Variants in IL12B observed in about 807,000 individuals in gnomAD.
IL12B encodes the protein interleukin-12 subunit beta.
In IL12B, 27 loss-of-function variants were observed where a neutral mutation model predicts 39.2. The ratio of observed to expected loss-of-function variants is 0.69; its 90% CI spans 0.51 to 0.95. The LOEUF (loss-of-function observed/expected upper bound fraction) is 0.95. IL12B is among the 40% of genes least tolerant of loss of function. IL12B has a pLI of 0.00. For synonymous variants in IL12B, 142 were observed against 152.1 expected, an observed-to-expected ratio of 0.93 and a Z score of 0.49; for missense variants, 351 against 397.6, an observed-to-expected ratio of 0.88 and a Z score of 1.00.
chr5:159,325,928 A>G (rs982432916), intron 2 of IL12B, among the ~76,000 whole-genome samples: 1 of 152,246 alleles, frequency 6.6e-6, no homozygotes, highest in Admixed American at 6.5e-5. Context: ...AAGGATGGGC[A>G]GAACTCCTTA....
intron 6 of IL12B, 30 bp downstream of exon 6, chr5:159,318,706 G>C (rs780467943): frequency 6.2e-7 from 1 of 1,611,160 alleles, no homozygotes; most frequent in Non-Finnish European, 8.5e-7. Flanking sequence ...AACTGACCAA[G>C]GAATATACTG....
intron 2 of IL12B, among the ~76,000 whole-genome samples, chr5:159,325,822 C>T (rs1754178937): frequency 6.6e-6 from 1 of 152,146 alleles, no homozygotes; most frequent in Admixed American, 6.5e-5. Flanking sequence ...ATAGTAATCG[C>T]CAACATTATG....
rs373184517 is a variant in IL12B at position 159,325,542 on chromosome 5, A to C, written c.88+1153T>G. Reference sequence around the variant, plus strand: ...CATTTCCTCTTATTCAGCTCTCCAAAGACCTGGGAAAAAATTACTTCATGT... The same window carrying C: ...CATTTCCTCTTATTCAGCTCTCCAACGACCTGGGAAAAAATTACTTCATGT... On this transcript the variant is annotated intron_variant, in intron 2 of 7. Coordinates refer to ENST00000231228, the MANE Select transcript of IL12B (RefSeq NM_002187.3). 18 of 152,324 alleles carry C rather than the reference A, an allele frequency of 1.2e-4. No individual in the cohort carries two copies. In the East Asian group the frequency reaches 2.3e-3, roughly 20 times the overall value. The allele number at this position is 152,324 out of a possible 1,614,324, so 9.4% of individuals were successfully genotyped here.
chr5:159,320,252 A>G (rs1562112233), intron 5 of IL12B, 54 bp downstream of exon 5: 1 of 1,482,740 alleles, frequency 6.7e-7, no homozygotes, highest in Non-Finnish European at 9.4e-7. Flanking sequence ...CATTGTGAAC[A>G]CGTGACAAAT....
At chr5:159,320,272 C>T (rs1584753471) in intron 5 of IL12B, 34 bp downstream of exon 5, 2 of 1,565,570 alleles carry the variant, frequency 1.3e-6, no homozygotes, top group East Asian at 4.5e-5. Context: ...TAGTATCTTT[C>T]CTTATGGAGC....
At chr5:159,319,741 C>T (rs894186275) in intron 5 of IL12B, among the ~76,000 whole-genome samples, 1 of 152,228 alleles carries the variant, frequency 6.6e-6, no homozygotes, top group African/African-American at 2.4e-5. Context: ...TACAAACCCT[C>T]CATAAGTTTT....
At chr5:159,319,495 C>T (rs1161890139) in intron 5 of IL12B, among the ~76,000 whole-genome samples, 29 of 152,216 alleles carry the variant, frequency 1.9e-4, no homozygotes, top group Admixed American at 5.9e-4. Context: ...AAGACTCCTT[C>T]CTCAATTAGG....
rs749076435 is a variant in IL12B at position 159,318,737 on chromosome 5, T to C, written c.854A>G (p.Lys285Arg). ...TACTGCACCTGAATCACTTCTTACC[T>C]TTTCTCTCTTGCTCTTGCCCTGGAC... ...VQVQGKSKRE[K>R]KDRVFTDKTS... is the part of the protein sequence containing the mutation. The change falls in exon 6 of 8, where the codon AAG becomes AGG. Residue 285 changes from lysine (K) to arginine (R), a missense_variant and splice_region_variant. Transcript: ENST00000231228. 1 of 1,614,054 alleles carries C rather than the reference T, an allele frequency of 6.2e-7. No homozygotes were observed. Among genetic ancestry groups the C allele is most frequent in the East Asian group, 2.2e-5 (1 of 44,882 alleles).
chr5:159,322,943 T>A, intron 3 of IL12B, 111 bp downstream of exon 3: 1 of 1,047,590 alleles, frequency 9.5e-7, no homozygotes, highest in Non-Finnish European at 1.5e-6. Context: ...AGAGACTTGA[T>A]GTTAATTCAT....
chr5:159,328,311 T>C (rs1257639265), intron 1 of IL12B, among the ~76,000 whole-genome samples: 1 of 150,726 alleles, frequency 6.6e-6, no homozygotes, highest in Non-Finnish European at 1.5e-5. Flanking sequence ...GGGCACCGGT[T>C]AGTACATTCA....
intron 3 of IL12B, 131 bp downstream of exon 3, chr5:159,322,923 A>T: frequency 1.1e-6 from 1 of 908,008 alleles, no homozygotes; most frequent in Non-Finnish European, 1.8e-6. Context: ...AACATCAATT[A>T]ACATCAATAA....
intron 1 of IL12B, 110 bp from the exon 2 acceptor site, chr5:159,326,892 T>A: frequency 1.3e-6 from 1 of 759,050 alleles, no homozygotes; most frequent in Non-Finnish European, 2.4e-6. Context: ...GTGAACCATA[T>A]ACACATTCTA....
At position 159,326,687 on chromosome 5, in the gene IL12B, C is replaced by G. The variant is rs2113035614; in HGVS notation, c.88+8G>C. The G allele has an allele frequency of 1.3e-6, 2 of 1,599,008 alleles. No homozygotes were observed. Among genetic ancestry groups the G allele is most frequent in the East Asian group, 2.2e-5 (1 of 44,808 alleles). On this transcript the variant is annotated splice_region_variant and intron_variant, in intron 2 of 7. Transcript: ENST00000231228. ...GGCCTCCACAGAGAATAATGAGAGG[C>G]TGGTTACCATCTTTCTTCAGTTCCC... is the stretch of plus-strand genomic sequence containing the variant.
At chr5:159,322,171 G>A (rs1208049187) in intron 4 of IL12B, among the ~76,000 whole-genome samples, 1 of 152,164 alleles carries the variant, frequency 6.6e-6, no homozygotes, top group Non-Finnish European at 1.5e-5. Context: ...ACTATTCTCA[G>A]TTCCCAATAA....
chr5:159,323,015 G>A (rs748652605), intron 3 of IL12B, 39 bp downstream of exon 3: 44 of 1,599,064 alleles, frequency 2.8e-5, no homozygotes, highest in East Asian at 4.5e-5. Context: ...TCTTATGAGC[G>A]AAAGAGAAAA....
chr5:159,329,005 T>C (rs1449647606), intron 1 of IL12B, among the ~76,000 whole-genome samples: 2 of 152,164 alleles, frequency 1.3e-5, no homozygotes, highest in African/African-American at 2.4e-5. Context: ...TCTTGATGAT[T>C]AAAACACATT....
chr5:159,327,003 G>A (rs1194305257), intron 1 of IL12B, among the ~76,000 whole-genome samples: 1 of 152,126 alleles, frequency 6.6e-6, no homozygotes, highest in Non-Finnish European at 1.5e-5. Context: ...AGTCTGTGGG[G>A]AAGAACATCT....
intron 1 of IL12B, among the ~76,000 whole-genome samples, chr5:159,329,884 GC>G (rs1319582027): frequency 2.0e-5 from 3 of 152,074 alleles, no homozygotes; most frequent in Admixed American, 1.3e-4. Flanking sequence ...TTTAACTGGG[GC>G]CAAAGTTAGT....
At chr5:159,321,361 A>G (rs1042212818) in intron 4 of IL12B, among the ~76,000 whole-genome samples, 1 of 132,586 alleles carries the variant, frequency 7.5e-6, no homozygotes, top group African/African-American at 3.1e-5. Context: ...ATATATATAT[A>G]TATATACACA....
Sources: allele counts gnomAD v4.1 joint callset (sites outside exome capture counted in the v4.1 genomes callset), GRCh38; gene constraint gnomAD v4.1.1; transcripts MANE v1.5; gene names NCBI Gene and HGNC (gene_info 2026-07-23, HGNC 2026-07-21).